AHCY: variants seen among roughly 807,000 people sequenced by gnomAD.
The protein encoded by AHCY is adenosylhomocysteinase.
In AHCY, 24 loss-of-function variants were observed where a neutral mutation model predicts 45.4. The observed-to-expected ratio is 0.53, with a 90% CI of 0.38 to 0.74. The LOEUF (loss-of-function observed/expected upper bound fraction) is 0.74, where lower values mean the gene tolerates loss of function less well. Ranked by LOEUF, AHCY falls within the 30% of genes least tolerant of loss-of-function variation. The probability of loss-of-function intolerance (pLI) is 0.00; values close to 1 mark genes in which losing one functional copy is unlikely to be tolerated. For missense variants in AHCY, 449 were observed against 594.1 expected, an observed-to-expected ratio of 0.76 and a Z score of 2.54; for synonymous variants, 245 against 235.1, an observed-to-expected ratio of 1.04 and a Z score of -0.39.
chr20:34,282,493 A>T (rs146328527), intron 9 of AHCY, among the ~76,000 whole-genome samples: 1 of 152,328 alleles, frequency 6.6e-6, no homozygotes, highest in East Asian at 1.9e-4. Context: ...GAAGCCAGTA[A>T]GTCTGGGGGT....
the AHCY span, chr20:34,262,940 G>T: frequency 6.2e-7 from 1 of 1,604,620 alleles, no homozygotes; most frequent in South Asian, 1.1e-5. Flanking sequence ...GGGTGAGACT[G>T]GACTTAAAGA....
At chr20:34,302,147 C>T (rs900927578) in intron 1 of AHCY, among the ~76,000 whole-genome samples, 3 of 152,014 alleles carry the variant, frequency 2.0e-5, no homozygotes, top group Admixed American at 1.3e-4. Flanking sequence ...AATGAAGGCG[C>T]CCGCCACCAC....
At chr20:34,296,416 A>G (rs2036579586) in intron 1 of AHCY, among the ~76,000 whole-genome samples, 1 of 152,162 alleles carries the variant, frequency 6.6e-6, no homozygotes, top group South Asian at 2.1e-4. Context: ...GTTATTAGTA[A>G]TAAAAGGTAA....
the AHCY span, among the ~76,000 whole-genome samples, chr20:34,262,372 A>G: frequency 3.9e-5 from 6 of 152,208 alleles, no homozygotes; most frequent in African/African-American, 1.4e-4. Flanking sequence ...CAGGATTCAA[A>G]TCAGGTCCTC....
chr20:34,275,755 C>G (rs2035905590), downstream of AHCY, among the ~76,000 whole-genome samples: 1 of 151,468 alleles, frequency 6.6e-6, no homozygotes, highest in African/African-American at 2.4e-5. Context: ...TCAACTCACT[C>G]TAACTGCCAC....
At chr20:34,243,622 T>G in the AHCY span, among the ~76,000 whole-genome samples, 1 of 152,116 alleles carries the variant, frequency 6.6e-6, no homozygotes, top group African/African-American at 2.4e-5. Flanking sequence ...AATACATATG[T>G]AACACATACC....
the AHCY span, among the ~76,000 whole-genome samples, chr20:34,262,035 C>T: frequency 6.6e-6 from 1 of 151,932 alleles, no homozygotes; most frequent in Non-Finnish European, 1.5e-5. Flanking sequence ...ATCACTTGAA[C>T]CCAGGAGGCA....
chr20:34,289,243 G>C, intron 8 of AHCY, among the ~76,000 whole-genome samples: 1 of 152,088 alleles, frequency 6.6e-6, no homozygotes, highest in East Asian at 1.9e-4. Context: ...GAACAATCTC[G>C]GCTCACTACA....
At chr20:34,248,436 C>A in the AHCY span, among the ~76,000 whole-genome samples, 1 of 152,130 alleles carries the variant, frequency 6.6e-6, no homozygotes, top group African/African-American at 2.4e-5. Flanking sequence ...ATTATTCTTA[C>A]CAGAGTTAGC....
upstream of AHCY, among the ~76,000 whole-genome samples, chr20:34,305,070 C>A (rs1365059140): frequency 6.7e-6 from 1 of 150,076 alleles, no homozygotes; most frequent in East Asian, 2.0e-4. Flanking sequence ...AATCCCAGCA[C>A]ATTGGGAGGC....
At chr20:34,262,783 C>G in the AHCY span, 10 of 1,608,662 alleles carry the variant, frequency 6.2e-6, no homozygotes, top group Non-Finnish European at 8.5e-6. Context: ...CACTGCAGCT[C>G]AACGTCCCCA....
intron 5 of AHCY, 111 bp downstream of exon 5, chr20:34,291,308 C>T: frequency 4.7e-6 from 5 of 1,060,728 alleles, no homozygotes; most frequent in Middle Eastern, 2.9e-4. Flanking sequence ...TTTGCCCCCT[C>T]AAATGAGGGC....
chr20:34,273,164 G>A, the AHCY span, among the ~76,000 whole-genome samples: 4 of 151,894 alleles, frequency 2.6e-5, no homozygotes, highest in East Asian at 1.9e-4. Flanking sequence ...CCAGAGGTTG[G>A]GGGATGGGGC....
the AHCY span, chr20:34,241,489 T>C: frequency 1.0e-6 from 1 of 985,326 alleles, no homozygotes; most frequent in Non-Finnish European, 1.2e-6. Context: ...CGGGAAAGCA[T>C]GTGAGTTTAG....
At chr20:34,294,257 C>T (rs2036500339) in intron 2 of AHCY, 101 bp from the exon 3 acceptor site, 1 of 1,071,172 alleles carries the variant, frequency 9.3e-7, no homozygotes, top group African/African-American at 1.6e-5. Context: ...TGGGGAGAGG[C>T]TTGGGATCTA....
Position 34,299,396 on chromosome 20 carries a change from G to A in AHCY, c.29-3811C>T, listed in dbSNP as rs185813255. The stretch of plus-strand genomic sequence containing the variant: ...CTTCCTGAAACCCTTTCTTTACTTG[G>A]CTTCTGTGACTGTCCTGTGCTTTTC... On this transcript the variant is annotated intron_variant, in intron 1 of 9. Coordinates refer to ENST00000217426, the MANE Select transcript of AHCY (RefSeq NM_000687.4). Among the ~76,000 whole-genome samples, 181 of 152,182 alleles carry A rather than the reference G, an allele frequency of 1.2e-3. 2 individuals are homozygous for A. Among genetic ancestry groups the A allele is most frequent in the Admixed American group, 9.0e-3 (137 of 15,290 alleles).
At chr20:34,311,151 CCAA>C (rs1400085936) in intron 1 of AHCY, among the ~76,000 whole-genome samples, 2 of 152,046 alleles carry the variant, frequency 1.3e-5, no homozygotes, top group African/African-American at 4.8e-5. Context: ...AACAACAAAA[CCAA>C]CAACAAAACA....
the AHCY span, among the ~76,000 whole-genome samples, chr20:34,267,480 A>AAAAG: frequency 6.6e-6 from 1 of 151,454 alleles, no homozygotes; most frequent in African/African-American, 2.4e-5. Context: ...AAAAAAAAAA[A>AAAAG]AAAGAACTGT....
chr20:34,254,343 G>A, the AHCY span, among the ~76,000 whole-genome samples: 2 of 152,218 alleles, frequency 1.3e-5, no homozygotes, highest in Non-Finnish European at 2.9e-5. Flanking sequence ...GATTATAGGC[G>A]TGAGCCACAG....
Sources: gnomAD v4.1 joint callset for allele counts (sites outside exome capture counted in the v4.1 genomes callset) on GRCh38, gnomAD v4.1.1 for gene constraint, MANE v1.5 for transcripts, NCBI Gene and HGNC (gene_info 2026-07-23, HGNC 2026-07-21) for gene names.